The following CLOCK variants were observed in gnomAD, a reference collection of about 807,000 sequenced individuals.
CLOCK encodes circadian locomoter output cycles protein kaput.
A neutral mutation model predicts 118.4 loss-of-function variants in CLOCK; 43 were observed. The ratio of observed to expected loss-of-function variants is 0.36; its 90% CI spans 0.28 to 0.47. The LOEUF is 0.47. Among genes scored for constraint, CLOCK ranks in the 20% least tolerant of loss-of-function variants. CLOCK has a pLI of 1.00. For synonymous variants in CLOCK, 326 were observed against 339.2 expected (o/e 0.96, Z 0.43); for missense variants, 846 against 999.9 (o/e 0.85, Z 2.08).
At chr4:55,474,073 G>T (rs531422316) in intron 7 of CLOCK, among the ~76,000 whole-genome samples, 1 of 152,294 alleles carries the variant, frequency 6.6e-6, no homozygotes, top group East Asian at 1.9e-4. Flanking sequence ...AGTGAGGAAG[G>T]CATGTCGAAA....
At chr4:55,542,374 TA>T (rs1560490045) in intron 1 of CLOCK, among the ~76,000 whole-genome samples, 42 of 23,082 alleles carry the variant, frequency 1.8e-3, no homozygotes, top group African/African-American at 7.0e-3. Flanking sequence ...ATAATAATAA[TA>T]ATAATATTAT....
intron 2 of CLOCK, among the ~76,000 whole-genome samples, chr4:55,498,992 T>C (rs1172211836): frequency 6.6e-6 from 1 of 152,238 alleles, no homozygotes; most frequent in East Asian, 1.9e-4. Flanking sequence ...GCAGTACATC[T>C]GTATTTCATA....
intron 9 of CLOCK, among the ~76,000 whole-genome samples, chr4:55,463,171 A>C (rs1049216653): frequency 6.6e-6 from 1 of 152,116 alleles, no homozygotes; most frequent in African/African-American, 2.4e-5. Context: ...ACTATTGTTG[A>C]TATTTTTATG....
At chr4:55,457,654 T>C (rs1389564541) in intron 11 of CLOCK, among the ~76,000 whole-genome samples, 4 of 152,192 alleles carry the variant, frequency 2.6e-5, no homozygotes, top group African/African-American at 9.7e-5. Flanking sequence ...CCTCCCACTA[T>C]CTCTTCCCCC....
At chr4:55,524,337 T>A (rs1430611476) in intron 1 of CLOCK, among the ~76,000 whole-genome samples, 1 of 151,934 alleles carries the variant, frequency 6.6e-6, no homozygotes, top group Non-Finnish European at 1.5e-5. Flanking sequence ...AGGCTGAGAT[T>A]GCAGTGAGCG....
chr4:55,541,411 A>C (rs1227535394), intron 1 of CLOCK, among the ~76,000 whole-genome samples: 1 of 152,254 alleles, frequency 6.6e-6, no homozygotes, highest in Non-Finnish European at 1.5e-5. Flanking sequence ...GAACTTAAAA[A>C]ATATTTTACT....
intron 7 of CLOCK, among the ~76,000 whole-genome samples, chr4:55,473,005 C>T (rs1026727834): frequency 4.3e-4 from 66 of 152,250 alleles, no homozygotes; most frequent in Middle Eastern, 3.4e-3. Context: ...GTTGGTGGAT[C>T]ACCTGAGGCT....
intron 9 of CLOCK, among the ~76,000 whole-genome samples, chr4:55,460,415 C>G (rs1385898978): frequency 1.3e-5 from 2 of 152,204 alleles, no homozygotes; most frequent in Admixed American, 1.3e-4. Context: ...ATTCAAAATA[C>G]TTGAAAGTGA....
intron 11 of CLOCK, among the ~76,000 whole-genome samples, chr4:55,458,627 T>C (rs17085769): frequency 0.043 from 6,579 of 152,100 alleles, 452 homozygotes; most frequent in African/African-American, 0.15. Context: ...ATAGAGATAA[T>C]GAACAACACA....
Position 55,442,580 on chromosome 4 carries a change from T to A in CLOCK, c.1957A>T (p.Thr653Ser). The A allele has an allele frequency of 6.2e-7, 1 of 1,612,484 alleles. No individual in the cohort carries two copies. Among genetic ancestry groups the A allele is most frequent in the Non-Finnish European group, 8.5e-7 (1 of 1,179,768 alleles). The change falls in exon 21 of 23, where the codon ACA becomes TCA. Residue 653 changes from threonine (T) to serine (S), a missense_variant. Thr to Ser is a moderately conservative substitution (Grantham distance 58, BLOSUM62 1). Transcript: ENST00000513440. Reference protein sequence around the residue: ...HSQQTSLPSQTQSTLTAPLYN... With the variant: ...HSQQTSLPSQSQSTLTAPLYN... The stretch of plus-strand genomic sequence containing the variant: ...AGTGGGGCTGTAAGAGTGCTCTGTG[T>A]CTGACTGGGTAGAGATGTTTGCTGA...
At chr4:55,533,796 G>A (rs910117746) in intron 1 of CLOCK, among the ~76,000 whole-genome samples, 6 of 152,062 alleles carry the variant, frequency 3.9e-5, no homozygotes, top group Admixed American at 1.3e-4. Context: ...CCAGCTACTC[G>A]GGAGGCTGAG....
In CLOCK at chr4:55,463,956, T is replaced by C. The variant is rs1221059743; in HGVS notation, c.439-151A>G. The C allele has an allele frequency of 5.1e-5, 39 of 767,966 alleles. No homozygotes were observed. In the East Asian group the frequency reaches 1.0e-3, roughly 21 times the overall value. The allele number at this position is 767,966 out of a possible 1,614,324, so 47.6% of individuals were successfully genotyped here. A position where few individuals can be genotyped will look rare whatever the true frequency, so the allele number is the denominator to read the frequency against. The stretch of plus-strand genomic sequence containing the variant: ...AAGTTATAGACCAAATCTCAAAAAA[T>C]AAGATTGAGATCATACTAACGTCAT... On this transcript the variant is annotated intron_variant, in intron 8 of 22. Coordinates refer to ENST00000513440, the MANE Select transcript of CLOCK (RefSeq NM_004898.4).
chr4:55,482,855 C>A lies in CLOCK; in HGVS notation c.-43-27G>T. 3.6e-6 allele frequency: 4 copies of A among 1,096,436 alleles called. No individual in the cohort carries two copies. In the South Asian group the frequency reaches 4.2e-5, roughly 12 times the overall value. The allele number at this position is 1,096,436 out of a possible 1,614,324, so 67.9% of individuals were successfully genotyped here. A position where few individuals can be genotyped will look rare whatever the true frequency, so the allele number is the denominator to read the frequency against. The stretch of plus-strand genomic sequence containing the variant: ...TTAGGTGAAAAGAAAAATAAATGGT[C>A]ATTAGTTTTCTAAAAATGTTACTTC... On this transcript the variant is annotated intron_variant, in intron 3 of 22. Transcript: ENST00000513440.
chr4:55,467,677 G>T (rs1725826578), intron 8 of CLOCK, among the ~76,000 whole-genome samples: 1 of 152,116 alleles, frequency 6.6e-6, no homozygotes, highest in Non-Finnish European at 1.5e-5. Flanking sequence ...CCTATAATGG[G>T]ATTCTTTCCC....
At chr4:55,499,109 T>G (rs1728269483) in intron 2 of CLOCK, among the ~76,000 whole-genome samples, 3 of 152,222 alleles carry the variant, frequency 2.0e-5, no homozygotes, top group Admixed American at 6.5e-5. Flanking sequence ...TTTTACCTCA[T>G]GAACATGAGT....
At chr4:55,453,983 C>T (rs1012026543) in intron 13 of CLOCK, among the ~76,000 whole-genome samples, 159 bp from the exon 14 acceptor site, 2 of 152,026 alleles carry the variant, frequency 1.3e-5, no homozygotes, top group Non-Finnish European at 2.9e-5. Flanking sequence ...TTCTTTAGAG[C>T]TAGTTTAAGG....
intron 2 of CLOCK, among the ~76,000 whole-genome samples, chr4:55,502,035 C>G (rs1251417199): frequency 1.3e-5 from 2 of 152,060 alleles, no homozygotes; most frequent in African/African-American, 2.4e-5. Context: ...TGTTTTTACA[C>G]GTAAAATAAC....
intron 1 of CLOCK, among the ~76,000 whole-genome samples, chr4:55,536,616 C>T (rs139413938): frequency 1.3e-5 from 2 of 152,234 alleles, no homozygotes; most frequent in East Asian, 3.9e-4. Context: ...AAGCAGATGC[C>T]GGCACCATGC....
intron 3 of CLOCK, chr4:55,486,322 C>T (rs903899132): frequency 2.6e-5 from 4 of 152,160 alleles, no homozygotes; most frequent in Non-Finnish European, 5.9e-5. Flanking sequence ...CTACCAATTT[C>T]ACCTTCTCAC....
Sources: gnomAD v4.1 joint callset for allele counts (sites outside exome capture counted in the v4.1 genomes callset) on GRCh38, gnomAD v4.1.1 for gene constraint, MANE v1.5 for transcripts, NCBI Gene and HGNC (gene_info 2026-07-23, HGNC 2026-07-21) for gene names.